Variants in IFT140 observed in about 807,000 individuals in gnomAD.
IFT140 encodes the protein intraflagellar transport protein 140 homolog.
IFT140 carries 133 observed loss-of-function variants against 164.6 expected under a neutral mutation model. That is an observed-to-expected ratio of 0.81 (90% CI 0.70 to 0.93). IFT140 has a LOEUF of 0.93. IFT140 is among the 40% of genes least tolerant of loss of function. The pLI is 0.00. For missense variants in IFT140, 2,045 were observed against 1,972.3 expected, an observed-to-expected ratio of 1.04 and a Z score of -0.70; for synonymous variants, 860 against 817.3, an observed-to-expected ratio of 1.05 and a Z score of -0.89.
chr16:1,537,091 G>A lies in IFT140; in HGVS notation c.2400-10295C>T, dbSNP rs550873226. Reference sequence around the variant, plus strand: ...TGTTCCTTGTAAAATCACCCAGCACGTATGATGGGCTGCGACCGTCTGTGC... The same window carrying A: ...TGTTCCTTGTAAAATCACCCAGCACATATGATGGGCTGCGACCGTCTGTGC... On this transcript the variant is annotated intron_variant, in intron 19 of 30. Transcript: ENST00000426508. Among the ~76,000 whole-genome samples, 12 of 152,358 alleles carry A rather than the reference G, an allele frequency of 7.9e-5. No homozygotes were observed. In the East Asian group the frequency reaches 1.2e-3, roughly 15 times the overall value.
chr16:1,562,251 G>T (rs1033556578), intron 17 of IFT140, 135 bp from the exon 18 acceptor site: 2 of 686,460 alleles, frequency 2.9e-6, no homozygotes, highest in African/African-American at 1.9e-5. Flanking sequence ...GTGGGGTCGG[G>T]TGCTTTGCTT....
At chr16:1,593,717 G>A (rs999464235) in intron 4 of IFT140, among the ~76,000 whole-genome samples, 6 of 152,050 alleles carry the variant, frequency 3.9e-5, no homozygotes, top group African/African-American at 7.2e-5. Context: ...TGGGGAGGAG[G>A]AGCATAAAGC....
chr16:1,523,391 G>T (rs2040579777), intron 26 of IFT140, 127 bp downstream of exon 26: 4 of 958,888 alleles, frequency 4.2e-6, no homozygotes, highest in Admixed American at 2.4e-5. Flanking sequence ...AGGGCAGGGG[G>T]CACCCACCGC....
At chr16:1,513,936 G>T (rs898849839) in intron 30 of IFT140, among the ~76,000 whole-genome samples, 2 of 150,328 alleles carry the variant, frequency 1.3e-5, no homozygotes, top group African/African-American at 4.9e-5. Context: ...GCCTCCCAAA[G>T]TGCTGGGATT....
intron 19 of IFT140, among the ~76,000 whole-genome samples, chr16:1,544,972 TCTC>T (rs1567352706): frequency 6.6e-6 from 1 of 152,210 alleles, no homozygotes; most frequent in African/African-American, 2.4e-5. Context: ...TCTTAATAAA[TCTC>T]CTTGAAACTC....
At chr16:1,536,855 C>T (rs2031124574) in intron 19 of IFT140, among the ~76,000 whole-genome samples, 1 of 152,238 alleles carries the variant, frequency 6.6e-6, no homozygotes, top group African/African-American at 2.4e-5. Flanking sequence ...CATTCGCTGC[C>T]CCCACTCACG....
At position 1,520,720 on chromosome 16, in the gene IFT140, G is replaced by A. The variant is rs145814071; in HGVS notation, c.3542C>T (p.Ser1181Leu). 609 of 1,611,834 alleles carry A rather than the reference G, an allele frequency of 3.8e-4. No individual in the cohort carries two copies. The highest frequency in any genetic ancestry group is 4.9e-4 in the Non-Finnish European group (574 of 1,179,874). ...AEKMTVAKDS[S>L]DLPEESRREL... The stretch of plus-strand genomic sequence containing the variant: ...CCGCCGCGACTCCTCAGGCAGGTCC[G>A]AGGAGTCCTTGGCCACGGTCATCTT... Residue 1181 changes from serine (S) to leucine (L), a missense_variant, in exon 27 of 31, where the codon TCG (serine) becomes TTG (leucine). Transcript: ENST00000426508.
chr16:1,526,823 C>T (rs371762206), intron 19 of IFT140, 27 bp from the exon 20 acceptor site: 28 of 1,594,902 alleles, frequency 1.8e-5, no homozygotes, highest in African/African-American at 1.7e-4. Context: ...GTCTGTGAGG[C>T]TCCTGCCCAG....
At chr16:1,610,603 C>G (rs1326188242) in intron 2 of IFT140, 61 bp downstream of exon 2, 1 of 152,350 alleles carries the variant, frequency 6.6e-6, no homozygotes, top group Non-Finnish European at 1.5e-5. Flanking sequence ...ATCCTCGGCC[C>G]CAAACCCCGG....
chr16:1,583,423 G>T, intron 11 of IFT140, 37 bp from the exon 12 acceptor site: 1 of 1,583,128 alleles, frequency 6.3e-7, no homozygotes, highest in Non-Finnish European at 8.7e-7. Flanking sequence ...CAAAGGGCGG[G>T]AAAAGTGAGG....
chr16:1,597,490 G>C (rs892467257), intron 4 of IFT140, among the ~76,000 whole-genome samples: 1 of 152,198 alleles, frequency 6.6e-6, no homozygotes, highest in Non-Finnish European at 1.5e-5. Context: ...TCTAACTTCA[G>C]CTGGTCTGGG....
In IFT140 at chr16:1,511,047, A is replaced by G. The variant is rs760713905; in HGVS notation, c.4286T>C (p.Leu1429Pro). Residue 1429 changes from leucine (L) to proline (P), a missense_variant, in exon 31 of 31, where the codon CTC becomes CCC. Transcript: ENST00000426508. ...CTCGGGGACGGTGCGTGGCAGTGGG[A>G]GACCCAGCCCCCGGTGCACGGCGTC... ...AVDAVHRGLGLPLPRTVPEQV... is the reference protein window; with the variant it reads ...AVDAVHRGLGPPLPRTVPEQV... 1.2e-6 allele frequency: 2 copies of G among 1,606,720 alleles called. No homozygotes were observed. The highest frequency in any genetic ancestry group is 2.2e-5 in the East Asian group (1 of 44,714).
At chr16:1,528,504 CAT>C (rs1457328279) in intron 19 of IFT140, among the ~76,000 whole-genome samples, 2 of 152,038 alleles carry the variant, frequency 1.3e-5, no homozygotes, top group South Asian at 2.1e-4. Context: ...CATACACACA[CAT>C]GCAGGCACAC....
chr16:1,515,197 G>T (rs2040302183), intron 30 of IFT140, among the ~76,000 whole-genome samples: 1 of 151,992 alleles, frequency 6.6e-6, no homozygotes, highest in Admixed American at 6.6e-5. Context: ...AAAAGCCCAG[G>T]ATAAATACAA....
At chr16:1,580,477 C>T in intron 13 of IFT140, 2 of 314,620 alleles carry the variant, frequency 6.4e-6, no homozygotes, top group South Asian at 7.2e-5. Flanking sequence ...GCTCTCTCTT[C>T]CTCCTGCTCC....
chr16:1,534,593 C>A, intron 19 of IFT140: 1 of 1,595,778 alleles, frequency 6.3e-7, no homozygotes, highest in Non-Finnish European at 8.5e-7. Context: ...TCAGCGTGGC[C>A]GAGGCTCGAG....
At chr16:1,604,087 C>A (rs2035927295) in intron 3 of IFT140, among the ~76,000 whole-genome samples, 1 of 152,120 alleles carries the variant, frequency 6.6e-6, no homozygotes, top group Non-Finnish European at 1.5e-5. Context: ...AAAAATATCC[C>A]ATTTACCATA....
Position 1,587,212 on chromosome 16 carries a change from T to G in IFT140, c.995A>C (p.Tyr332Ser). The G allele has an allele frequency of 1.9e-6, 3 of 1,607,924 alleles. No individual in the cohort carries two copies. The highest frequency in any genetic ancestry group is 2.6e-6 in the Non-Finnish European group (3 of 1,174,434). Reference protein sequence around the residue: ...EKGENMNCVCYCKVKGLLAAG... With the variant: ...EKGENMNCVCSCKVKGLLAAG... ...GGAAGCCTCACCTTTGACTTTACAG[T>G]AACACACACAGTTCATATTCTCTCC... Residue 332 changes from tyrosine (Y) to serine (S), a missense_variant, in exon 9 of 31, where the codon TAC (tyrosine) becomes TCC (serine). Transcript: ENST00000426508.
Position 1,517,144 on chromosome 16 carries a change from G to T in IFT140, c.4182+1072C>A, listed in dbSNP as rs1472539377. Among the ~76,000 whole-genome samples the T allele has an allele frequency of 2.0e-5, 3 of 152,288 alleles. No individual in the cohort carries two copies. The East Asian group carries it at 5.8e-4, about 29-fold the overall frequency. ...CCAGCACTTTGGGAGGTGGAGGCGG[G>T]TGGATCACTTGAGGTCACGAGTTCA... On this transcript the variant is annotated intron_variant, in intron 30 of 30. Transcript: ENST00000426508.
Sources: gnomAD v4.1 joint callset for allele counts (sites outside exome capture counted in the v4.1 genomes callset) on GRCh38, gnomAD v4.1.1 for gene constraint, MANE v1.5 for transcripts, NCBI Gene and HGNC (gene_info 2026-07-23, HGNC 2026-07-21) for gene names.